Variants in SNTG1 observed in about 807,000 individuals in gnomAD.
The protein encoded by SNTG1 is syntrophin gamma 1, also known as gamma-1-syntrophin.
SNTG1 carries 39 observed loss-of-function variants against 74.7 expected under a neutral mutation model. The observed-to-expected ratio is 0.52, with a 90% confidence interval of 0.40 to 0.68. The LOEUF (loss-of-function observed/expected upper bound fraction) is 0.68, where lower values mean the gene tolerates loss of function less well. Ranked by LOEUF, SNTG1 falls within the 30% of genes least tolerant of loss-of-function variation. The pLI, the probability that SNTG1 is intolerant of heterozygous loss-of-function variation, is 0.00. For synonymous variants in SNTG1, 254 were observed against 217.1 expected, an observed-to-expected ratio of 1.17 and a Z score of -1.49; for missense variants, 685 against 609.5, an observed-to-expected ratio of 1.12 and a Z score of -1.30.
chr8:50,430,325 G>C (rs1271570938), intron 4 of SNTG1, among the ~76,000 whole-genome samples: 1 of 152,062 alleles, frequency 6.6e-6, no homozygotes, highest in African/African-American at 2.4e-5. Flanking sequence ...ATAAACATCA[G>C]TATCAATATT....
chr8:50,009,876 G>T (rs1235975692), intron 1 of SNTG1, among the ~76,000 whole-genome samples: 1 of 152,094 alleles, frequency 6.6e-6, no homozygotes, highest in Non-Finnish European at 1.5e-5. Context: ...ATGCATGCCT[G>T]TAGCCCCAGC....
chr8:50,258,307 T>C (rs2086982035), intron 2 of SNTG1, among the ~76,000 whole-genome samples: 1 of 152,234 alleles, frequency 6.6e-6, no homozygotes, highest in Admixed American at 6.5e-5. Context: ...TACTAATTTT[T>C]CTGAAATATG....
At chr8:50,531,433 G>T (rs1011100713) in intron 10 of SNTG1, among the ~76,000 whole-genome samples, 2 of 151,992 alleles carry the variant, frequency 1.3e-5, no homozygotes, top group Non-Finnish European at 2.9e-5. Flanking sequence ...AAATATACAG[G>T]TTTCCTAATG....
intron 1 of SNTG1, among the ~76,000 whole-genome samples, chr8:50,111,838 GAA>G (rs1179472599): frequency 3.9e-5 from 6 of 151,942 alleles, no homozygotes; most frequent in Admixed American, 3.9e-4. Flanking sequence ...GTAAGGAAAA[GAA>G]AGTATCAGAA....
At chr8:50,189,265 C>T (rs2083483849) in intron 2 of SNTG1, among the ~76,000 whole-genome samples, 1 of 151,810 alleles carries the variant, frequency 6.6e-6, no homozygotes, top group Admixed American at 6.6e-5. Context: ...TATTGTTATC[C>T]TATGTCATTG....
chr8:49,918,680 A>C (rs1343011106), intron 1 of SNTG1, among the ~76,000 whole-genome samples: 1 of 152,144 alleles, frequency 6.6e-6, no homozygotes, highest in African/African-American at 2.4e-5. Flanking sequence ...AGGGATGGAT[A>C]AGATTATGCT....
intron 17 of SNTG1, among the ~76,000 whole-genome samples, chr8:50,746,484 A>G (rs2095555369): frequency 6.6e-6 from 1 of 152,020 alleles, no homozygotes; most frequent in South Asian, 2.1e-4. Context: ...GTGCTAGTCT[A>G]CAAAATACCT....
intron 4 of SNTG1, among the ~76,000 whole-genome samples, chr8:50,435,132 C>T (rs1286253002): frequency 1.3e-5 from 2 of 151,874 alleles, no homozygotes; most frequent in Non-Finnish European, 2.9e-5. Flanking sequence ...TAATACAAGG[C>T]TTTTTTTGTA....
intron 2 of SNTG1, among the ~76,000 whole-genome samples, chr8:50,309,482 G>A (rs1159213780): frequency 6.6e-6 from 1 of 152,170 alleles, no homozygotes; most frequent in African/African-American, 2.4e-5. Context: ...GAAAACAAAT[G>A]AATTTCGTAT....
intron 2 of SNTG1, among the ~76,000 whole-genome samples, chr8:50,236,805 GA>G (rs566713968): frequency 6.6e-6 from 1 of 151,996 alleles, no homozygotes; most frequent in Non-Finnish European, 1.5e-5. Flanking sequence ...CTAATGAACT[GA>G]AATGTAGACA....
At chr8:50,598,486 G>A (rs1026266469) in intron 13 of SNTG1, among the ~76,000 whole-genome samples, 3 of 151,582 alleles carry the variant, frequency 2.0e-5, no homozygotes, top group African/African-American at 7.3e-5. Context: ...CTATATCTTT[G>A]TAGTATACTT....
At chr8:50,541,619 A>G (rs1161125476) in intron 11 of SNTG1, among the ~76,000 whole-genome samples, 1 of 152,210 alleles carries the variant, frequency 6.6e-6, no homozygotes. Context: ...TAGTATACTT[A>G]CAATATCCAT....
At chr8:50,675,765 T>TA (rs1454947777) in intron 15 of SNTG1, among the ~76,000 whole-genome samples, 1 of 151,972 alleles carries the variant, frequency 6.6e-6, no homozygotes, top group Non-Finnish European at 1.5e-5. Context: ...TTGGTCTTTA[T>TA]ATTTTGGTGT....
At chr8:50,442,929 C>T (rs1172183934) in intron 5 of SNTG1, among the ~76,000 whole-genome samples, 1 of 152,154 alleles carries the variant, frequency 6.6e-6, no homozygotes, top group Non-Finnish European at 1.5e-5. Flanking sequence ...CTTGCAGCAC[C>T]ATTTCTACTG....
At position 50,696,174 on chromosome 8, in the gene SNTG1, T is replaced by C. The variant is rs926720457; in HGVS notation, c.1039-8426T>C. Among the ~76,000 whole-genome samples, 4 of 152,106 alleles carry C rather than the reference T, an allele frequency of 2.6e-5. No homozygotes were observed. The South Asian group carries it at 6.2e-4, about 24-fold the overall frequency. The stretch of plus-strand genomic sequence containing the variant: ...AATAGCCATTCTGACTGGGATAAGA[T>C]GGTATCTCACTGTGGCTTAAATTTG... On this transcript the variant is annotated intron_variant, in intron 15 of 18. Coordinates refer to ENST00000642720, the MANE Select transcript of SNTG1 (RefSeq NM_018967.5).
intron 11 of SNTG1, among the ~76,000 whole-genome samples, chr8:50,550,900 T>C (rs2130582488): frequency 6.6e-6 from 1 of 152,250 alleles, no homozygotes; most frequent in East Asian, 1.9e-4. Flanking sequence ...CTTCAGTTTT[T>C]CCCTAGTGCT....
intron 17 of SNTG1, among the ~76,000 whole-genome samples, chr8:50,738,364 A>G (rs947892471): frequency 2.6e-5 from 4 of 152,162 alleles, no homozygotes; most frequent in African/African-American, 9.7e-5. Flanking sequence ...AATGTGAAGG[A>G]CCTCTTCAAA....
In SNTG1 at chr8:50,770,478, G is replaced by A. The variant is rs543782970; in HGVS notation, c.1395+18367G>A. On this transcript the variant is annotated intron_variant, in intron 18 of 18. Transcript: ENST00000642720. ...AATATGCATCCTAGAAAACATGGTA[G>A]CTAGCTATAAGACCCAGCACCTCAG... Among the ~76,000 whole-genome samples the A allele has an allele frequency of 2.6e-5, 4 of 152,126 alleles. No individual in the cohort carries two copies. In the East Asian group the frequency reaches 7.8e-4, roughly 30 times the overall value.
chr8:50,440,342 C>T (rs2093347013), intron 5 of SNTG1, among the ~76,000 whole-genome samples: 1 of 151,788 alleles, frequency 6.6e-6, no homozygotes, highest in Non-Finnish European at 1.5e-5. Flanking sequence ...CTCATACTTA[C>T]CTCTGAACTT....
Sources: allele counts gnomAD v4.1 joint callset (sites outside exome capture counted in the v4.1 genomes callset), GRCh38; gene constraint gnomAD v4.1.1; transcripts MANE v1.5; gene names NCBI Gene and HGNC (gene_info 2026-07-23, HGNC 2026-07-21).